NME9: variants seen among roughly 807,000 people sequenced by gnomAD.
The protein encoded by NME9 is thioredoxin domain-containing protein 6.
In NME9, 48 loss-of-function variants were observed where a neutral mutation model predicts 44.4. The observed-to-expected ratio is 1.08, with a 90% CI of 0.86 to 1.37. The LOEUF (loss-of-function observed/expected upper bound fraction) is 1.37, where lower values mean the gene tolerates loss of function less well. Ranked by LOEUF, NME9 falls within the 40% of genes most tolerant of loss-of-function variation. The probability of loss-of-function intolerance (pLI) is 0.00; values close to 1 mark genes in which losing one functional copy is unlikely to be tolerated. For missense variants in NME9, 325 were observed against 405.2 expected, an observed-to-expected ratio of 0.80 and a Z score of 1.70; for synonymous variants, 139 against 147.1, an observed-to-expected ratio of 0.94 and a Z score of 0.40.
intron 9 of NME9, 128 bp downstream of exon 9, chr3:138,304,745 A>T (rs1209502994): frequency 1.1e-6 from 1 of 934,646 alleles, no homozygotes; most frequent in African/African-American, 1.6e-5. Flanking sequence ...CCAAATATAT[A>T]ATAGAGAGCC....
chr3:138,277,539 C>A (rs990252122), intron 8 of NME9, among the ~76,000 whole-genome samples: 12 of 152,052 alleles, frequency 7.9e-5, no homozygotes, highest in Non-Finnish European at 1.8e-4. Context: ...GAAGAATTCT[C>A]AAAACAACAA....
intron 1 of NME9, among the ~76,000 whole-genome samples, chr3:138,326,449 T>C (rs2053791155): frequency 6.6e-6 from 1 of 152,186 alleles, no homozygotes; most frequent in African/African-American, 2.4e-5. Context: ...GTTTGTCTTT[T>C]TTGAGACACA....
intron 2 of NME9, among the ~76,000 whole-genome samples, 158 bp from the exon 3 acceptor site, chr3:138,319,739 C>T (rs1332972041): frequency 6.6e-6 from 1 of 152,152 alleles, no homozygotes; most frequent in Non-Finnish European, 1.5e-5. Context: ...GATTATAAGC[C>T]AGGGTGGAAA....
intron 6 of NME9, among the ~76,000 whole-genome samples, chr3:138,312,614 T>G (rs1227950597): frequency 6.6e-6 from 1 of 152,166 alleles, no homozygotes; most frequent in Non-Finnish European, 1.5e-5. Context: ...TCAAAATAGA[T>G]TAAAGGCATA....
rs975687088 is a variant in NME9 at position 138,301,539 on chromosome 3, C to T, written c.*101G>A. 1 of 1,493,434 alleles carries T rather than the reference C, an allele frequency of 6.7e-7. No homozygotes were observed. The allele number at this position is 1,493,434 out of a possible 1,614,324, so 92.5% of individuals were successfully genotyped here. Reference sequence around the variant, plus strand: ...TCATTGTCTACAAAAGACAGCTAAACCAAAAAGTATTGGTACTCAAAAGAG... The same window carrying T: ...TCATTGTCTACAAAAGACAGCTAAATCAAAAAGTATTGGTACTCAAAAGAG... On this transcript the variant is annotated 3_prime_UTR_variant, in exon 11 of 11. Coordinates refer to ENST00000333911, the MANE Select transcript of NME9 (RefSeq NM_001349018.2).
chr3:138,319,833 T>C (rs1006515284), intron 2 of NME9, among the ~76,000 whole-genome samples: 4 of 152,238 alleles, frequency 2.6e-5, no homozygotes, highest in Non-Finnish European at 5.9e-5. Context: ...TTTCTTAACA[T>C]GGCTCCTTTA....
At chr3:138,301,756 CCTT>C in intron 10 of NME9, 52 bp from the exon 11 acceptor site, 1 of 1,380,162 alleles carries the variant, frequency 7.2e-7, no homozygotes, top group Non-Finnish European at 1.0e-6. Flanking sequence ...CTGTCCCAGA[CCTT>C]CTGTCCCACC....
At chr3:138,273,181 T>G (rs1043040943) in intron 8 of NME9, 3 of 1,472,726 alleles carry the variant, frequency 2.0e-6, no homozygotes, top group African/African-American at 2.8e-5. Context: ...GACATTGCTC[T>G]CTCTCTGTGC....
chr3:138,322,183 G>T (rs1011777144), intron 2 of NME9, among the ~76,000 whole-genome samples: 1 of 152,130 alleles, frequency 6.6e-6, no homozygotes, highest in African/African-American at 2.4e-5. Flanking sequence ...ACACAGGCCC[G>T]CTGAAAAGGG....
At chr3:138,268,095 T>C (rs1042049728) in intron 8 of NME9, among the ~76,000 whole-genome samples, 1 of 151,900 alleles carries the variant, frequency 6.6e-6, no homozygotes, top group Non-Finnish European at 1.5e-5. Flanking sequence ...GTACAAAAAT[T>C]AGCCGGGGGT....
At chr3:138,323,086 T>C (rs2053567653) in intron 2 of NME9, among the ~76,000 whole-genome samples, 1 of 152,188 alleles carries the variant, frequency 6.6e-6, no homozygotes, top group African/African-American at 2.4e-5. Flanking sequence ...CCTCTTGGCC[T>C]CAGTCCCAGG....
chr3:138,288,204 A>ACACCT (rs1376186707), intron 8 of NME9, among the ~76,000 whole-genome samples: 2 of 152,132 alleles, frequency 1.3e-5, no homozygotes, highest in African/African-American at 4.8e-5. Context: ...GTGTGTGTGA[A>ACACCT]AGTCTAGGTG....
chr3:138,292,359 G>C (rs966207302), intron 8 of NME9, among the ~76,000 whole-genome samples: 1 of 152,192 alleles, frequency 6.6e-6, no homozygotes, highest in Non-Finnish European at 1.5e-5. Flanking sequence ...ATTTTTAAAA[G>C]ATCACTCTGG....
chr3:138,293,590 T>C (rs753359061), intron 8 of NME9, among the ~76,000 whole-genome samples: 1 of 151,844 alleles, frequency 6.6e-6, no homozygotes, highest in Non-Finnish European at 1.5e-5. Flanking sequence ...CCAAGGCTGC[T>C]GGTCAGATGA....
downstream of NME9, chr3:138,298,095 T>C (rs1314407737): frequency 6.6e-6 from 1 of 152,268 alleles, no homozygotes; most frequent in Non-Finnish European, 1.5e-5. Flanking sequence ...TGCTGCTTTA[T>C]GCAGGTGCAG....
intron 8 of NME9, chr3:138,273,040 GGTT>G (rs1258038072): frequency 1.2e-6 from 2 of 1,613,000 alleles, no homozygotes; most frequent in Non-Finnish European, 1.7e-6. Context: ...CAGCTATTCC[GGTT>G]ATTATCAGAT....
intron 8 of NME9, chr3:138,272,858 C>A: frequency 4.9e-6 from 5 of 1,011,152 alleles, no homozygotes; most frequent in Non-Finnish European, 6.7e-6. Context: ...GGCGACAGAG[C>A]AAGACTCTGT....
At chr3:138,263,426 C>T in intron 8 of NME9, 1 of 275,754 alleles carries the variant, frequency 3.6e-6, no homozygotes. Flanking sequence ...ATTTCTTTTC[C>T]TTTTTCTCAA....
Position 138,282,070 on chromosome 3 carries a change from C to T in NME9, c.746-19484G>A, listed in dbSNP as rs574234159. On this transcript the variant is annotated intron_variant, in intron 8 of 8. Transcript: ENST00000317876. ...TGCTGCCCCCGCTCCTACTTCTCAG[C>T]CAGGTTTTACCTGTGTTCCCTAGAT... Among the ~76,000 whole-genome samples, 3 of 152,302 alleles carry T rather than the reference C, an allele frequency of 2.0e-5. No homozygotes were observed. The East Asian group carries it at 5.8e-4, about 29-fold the overall frequency.
Sources: gnomAD v4.1 joint callset for allele counts (sites outside exome capture counted in the v4.1 genomes callset) on GRCh38, gnomAD v4.1.1 for gene constraint, MANE v1.5 for transcripts, NCBI Gene and HGNC (gene_info 2026-07-23, HGNC 2026-07-21) for gene names.